PIK3CB: variants seen among roughly 807,000 people sequenced by gnomAD.
PIK3CB encodes the protein phosphatidylinositol-4,5-bisphosphate 3-kinase catalytic subunit beta, also known as phosphatidylinositol 4,5-bisphosphate 3-kinase catalytic subunit beta isoform.
PIK3CB carries 39 observed loss-of-function variants against 136.8 expected under a neutral mutation model. That is an observed-to-expected ratio of 0.29 (90% CI 0.22 to 0.37). The LOEUF is 0.37. Among genes scored for constraint, PIK3CB ranks in the 10% least tolerant of loss-of-function variants. The pLI is 1.00. For synonymous variants in PIK3CB, 428 were observed against 436.6 expected, an observed-to-expected ratio of 0.98 and a Z score of 0.25; for missense variants, 868 against 1,275.4, an observed-to-expected ratio of 0.68 and a Z score of 4.87.
intron 2 of PIK3CB, among the ~76,000 whole-genome samples, chr3:138,762,485 T>C (rs2045675944): frequency 6.6e-6 from 1 of 152,122 alleles, no homozygotes; most frequent in South Asian, 2.1e-4. Flanking sequence ...TAAACTTCCA[T>C]AAACACGAAC....
At chr3:138,660,629 T>C (rs2043279760) in intron 21 of PIK3CB, among the ~76,000 whole-genome samples, 2 of 152,286 alleles carry the variant, frequency 1.3e-5, no homozygotes, top group South Asian at 4.1e-4. Flanking sequence ...CAGATCTGTC[T>C]TACAACATGG....
rs747984528 is a variant in PIK3CB at position 138,663,897 on chromosome 3, G to A, written c.2796+9C>T. ...TAAGGCCCTTGGCAGATCCTGAGGA[G>A]CAGCTCACCTGGCCAGTTTTTTTGA... is the stretch of plus-strand genomic sequence containing the variant. On this transcript the variant is annotated intron_variant, in intron 21 of 23. Transcript: ENST00000674063. The A allele has an allele frequency of 1.9e-6, 3 of 1,612,440 alleles. No individual in the cohort carries two copies. The highest frequency in any genetic ancestry group is 1.3e-5 in the African/African-American group (1 of 74,900).
chr3:138,815,279 C>A (rs1184807396), intron 1 of PIK3CB, among the ~76,000 whole-genome samples: 2 of 141,128 alleles, frequency 1.4e-5, no homozygotes, highest in Non-Finnish European at 3.0e-5. Flanking sequence ...ATGCCTTGAG[C>A]TCAGGAGGCA....
Position 138,653,996 on chromosome 3 carries a change from A to AC in PIK3CB, c.*1392dup. The AC allele has an allele frequency of 5.1e-6, 1 of 196,998 alleles. No individual in the cohort carries two copies. Among genetic ancestry groups the AC allele is most frequent in the East Asian group, 7.9e-5 (1 of 12,590 alleles). The allele number at this position is 196,998 out of a possible 1,614,324, so 12.2% of individuals were successfully genotyped here. A position where few individuals can be genotyped will look rare whatever the true frequency, so the allele number is the denominator to read the frequency against. On this transcript the variant is annotated 3_prime_UTR_variant, in exon 24 of 24. Transcript: ENST00000674063. ...GTGCCAAGTTCCAAAGGCCCAGTCT[A>AC]CCCATAAAGAAGAGGCTCACCCATT...
At position 138,681,861 on chromosome 3, in the gene PIK3CB, C is replaced by G. The variant is rs2043788589; in HGVS notation, c.2504+106G>C. 3 of 642,214 alleles carry G rather than the reference C, an allele frequency of 4.7e-6. No individual in the cohort carries two copies. In the Admixed American group the frequency reaches 9.7e-5, roughly 21 times the overall value. The allele number at this position is 642,214 out of a possible 1,614,324, so 39.8% of individuals were successfully genotyped here. A position where few individuals can be genotyped will look rare whatever the true frequency, so the allele number is the denominator to read the frequency against. ...AGTGCTATATAAATATTATTATGAACAACAACTAAAAATAAGAACAAGAGG... is the reference window on the plus strand; with the variant it reads ...AGTGCTATATAAATATTATTATGAAGAACAACTAAAAATAAGAACAAGAGG... On this transcript the variant is annotated intron_variant, in intron 19 of 23. Transcript: ENST00000674063.
intron 1 of PIK3CB, among the ~76,000 whole-genome samples, chr3:138,830,814 A>C (rs186263462): frequency 4.5e-4 from 68 of 151,346 alleles, no homozygotes; most frequent in African/African-American, 1.6e-3. Flanking sequence ...AGGCAGGAGA[A>C]TGGCGTGAAC....
chr3:138,682,408 T>A (rs200280428), intron 18 of PIK3CB, among the ~76,000 whole-genome samples: 1 of 152,172 alleles, frequency 6.6e-6, no homozygotes, highest in Non-Finnish European at 1.5e-5. Flanking sequence ...TCACAGGAGA[T>A]TCACTGCGCA....
chr3:138,806,779 A>G (rs1160806165), intron 1 of PIK3CB, among the ~76,000 whole-genome samples: 3 of 152,242 alleles, frequency 2.0e-5, no homozygotes, highest in African/African-American at 7.2e-5. Context: ...CCTGGGAAAT[A>G]AGTCAACTTG....
At position 138,656,289 on chromosome 3, in the gene PIK3CB, G is replaced by A. The variant is rs1470950486; in HGVS notation, c.2943-15C>T. On this transcript the variant is annotated splice_polypyrimidine_tract_variant and intron_variant, in intron 22 of 23. Transcript: ENST00000674063. ...ACTGGCGGAACCTTTGGGTGATGCAGCAAACCACATGAGCACAGTGTTAGA... is the reference window on the plus strand; with the variant it reads ...ACTGGCGGAACCTTTGGGTGATGCAACAAACCACATGAGCACAGTGTTAGA... 6.2e-7 allele frequency: 1 copy of A among 1,613,912 alleles called. No homozygotes were observed. Among genetic ancestry groups the A allele is most frequent in the East Asian group, 2.2e-5 (1 of 44,872 alleles).
chr3:138,743,717 T>C (rs191404850), intron 4 of PIK3CB, among the ~76,000 whole-genome samples: 73 of 151,766 alleles, frequency 4.8e-4, no homozygotes, highest in Non-Finnish European at 9.3e-4. Flanking sequence ...CACAAGCACA[T>C]GCCACTATGT....
intron 5 of PIK3CB, among the ~76,000 whole-genome samples, chr3:138,738,972 T>G (rs1315088053): frequency 6.6e-6 from 1 of 152,212 alleles, no homozygotes; most frequent in Non-Finnish European, 1.5e-5. Context: ...GTATTTTACT[T>G]GTTCTTCTGT....
At chr3:138,707,638 G>A (rs1448511733) in intron 10 of PIK3CB, 34 of 764,686 alleles carry the variant, frequency 4.4e-5, no homozygotes, top group Non-Finnish European at 5.5e-5. Context: ...CACTACATAT[G>A]GACTTCTTAA....
intron 2 of PIK3CB, among the ~76,000 whole-genome samples, chr3:138,767,232 T>C (rs961058743): frequency 2.0e-5 from 3 of 152,156 alleles, no homozygotes; most frequent in Admixed American, 1.3e-4. Context: ...TAGATATCTG[T>C]AGAAAATTCA....
chr3:138,834,594 G>A (rs566630281), intron 1 of PIK3CB, 101 bp downstream of exon 1: 32 of 152,744 alleles, frequency 2.1e-4, no homozygotes, highest in African/African-American at 7.7e-4. Flanking sequence ...GTAGCGGCAA[G>A]CTAGAACGCA....
intron 1 of PIK3CB, among the ~76,000 whole-genome samples, chr3:138,819,767 G>A (rs893284916): frequency 3.3e-5 from 5 of 152,152 alleles, no homozygotes; most frequent in African/African-American, 1.2e-4. Flanking sequence ...TTGAGGCCAG[G>A]AGTTTGAGAC....
In PIK3CB at chr3:138,694,832, C is replaced by G. The variant is rs759018361; in HGVS notation, c.1846G>C (p.Asp616His). The G allele has an allele frequency of 1.2e-6, 2 of 1,613,480 alleles. No individual in the cohort carries two copies. The highest frequency in any genetic ancestry group is 1.1e-5 in the South Asian group (1 of 90,868). ...ACAGCATATTCTCGAACGTACTGGT[C>G]TGGATAGTTGAAATCCAGAAGCTCT... Reference protein sequence around the residue: ...ALELLDFNYPDQYVREYAVGC... With the variant: ...ALELLDFNYPHQYVREYAVGC... Residue 616 changes from aspartate (D) to histidine (H), a missense_variant, in exon 14 of 24, where the codon GAC becomes CAC. Physicochemically the swap from Asp to His is moderately conservative, Grantham distance 81. This residue lies in a region of PIK3CB where 612 missense variants were observed against 801.1 expected (regional missense o/e 0.76). Transcript: ENST00000674063.
intron 4 of PIK3CB, among the ~76,000 whole-genome samples, chr3:138,750,576 G>A (rs2045452069): frequency 6.6e-6 from 1 of 152,212 alleles, no homozygotes; most frequent in African/African-American, 2.4e-5. Flanking sequence ...CTCACCTCCT[G>A]CTGTGCGGCC....
intron 6 of PIK3CB, among the ~76,000 whole-genome samples, chr3:138,735,151 G>A (rs1371589233): frequency 1.3e-5 from 2 of 151,718 alleles, no homozygotes; most frequent in Non-Finnish European, 2.9e-5. Flanking sequence ...GTTTTGCCAT[G>A]TTACCCAGGC....
intron 19 of PIK3CB, among the ~76,000 whole-genome samples, chr3:138,672,686 C>T (rs1214224352): frequency 6.6e-6 from 1 of 152,014 alleles, no homozygotes; most frequent in Non-Finnish European, 1.5e-5. Context: ...TGGAGCCAGG[C>T]GGATCACCTG....
Sources: gnomAD v4.1 joint callset for allele counts (sites outside exome capture counted in the v4.1 genomes callset) on GRCh38, gnomAD v4.1.1 for gene constraint, gnomAD v4.1.1 regional missense constraint, MANE v1.5 for transcripts, NCBI Gene and HGNC (gene_info 2026-07-23, HGNC 2026-07-21) for gene names.